Variants in DTX1 observed in about 807,000 individuals in gnomAD.
DTX1 encodes the protein E3 ubiquitin-protein ligase DTX1.
Under a neutral mutation model 57.8 loss-of-function variants are expected in DTX1, and 26 were observed. The observed-to-expected ratio is 0.45, with a 90% CI of 0.33 to 0.62. The LOEUF is 0.62. Among genes scored for constraint, DTX1 ranks in the 20% least tolerant of loss-of-function variants. DTX1 has a pLI of 0.02. For missense variants in DTX1, 704 were observed against 895.3 expected (o/e 0.79, Z 2.73); for synonymous variants, 398 against 394.1 (o/e 1.01, Z -0.12).
At chr12:113,068,955 T>C (rs1376666213) in intron 2 of DTX1, among the ~76,000 whole-genome samples, 1 of 152,206 alleles carries the variant, frequency 6.6e-6, no homozygotes, top group African/African-American at 2.4e-5. Flanking sequence ...GGCAAATTGC[T>C]TCACCTCTCT....
In DTX1 at chr12:113,058,218, T is replaced by C. The variant is rs2044642782; in HGVS notation, c.26T>C (p.Leu9Pro). 3 of 1,611,728 alleles carry C rather than the reference T, an allele frequency of 1.9e-6. No homozygotes were observed. Among genetic ancestry groups the C allele is most frequent in the Non-Finnish European group, 2.5e-6 (3 of 1,179,326 alleles). The part of the protein sequence containing the change: MSRPGHGG[L>P]MPVNGLGFPP... ...ATGTCACGGCCAGGCCACGGTGGGC[T>C]GATGCCTGTGAATGGTCTGGGCTTC... Residue 9 changes from leucine to proline, a missense_variant, in exon 2 of 10, where the codon CTG becomes CCG. By Grantham distance (98) the Leu-to-Pro change is moderately conservative (BLOSUM62 -3). Coordinates refer to ENST00000548759, the MANE Select transcript of DTX1 (RefSeq NM_004416.3).
intron 3 of DTX1, among the ~76,000 whole-genome samples, chr12:113,078,466 A>C (rs1159768435): frequency 2.0e-5 from 3 of 152,212 alleles, no homozygotes; most frequent in African/African-American, 7.2e-5. Flanking sequence ...CGTTATATGT[A>C]TCACCTCGTT....
intron 3 of DTX1, among the ~76,000 whole-genome samples, chr12:113,089,469 G>A (rs571655373): frequency 5.9e-5 from 9 of 152,284 alleles, no homozygotes; most frequent in Non-Finnish European, 1.3e-4. Context: ...GCCAGCCTGG[G>A]CCCCCAAGAA....
intron 2 of DTX1, among the ~76,000 whole-genome samples, chr12:113,064,999 G>A (rs575370438): frequency 6.6e-6 from 1 of 152,338 alleles, no homozygotes; most frequent in South Asian, 2.1e-4. Context: ...CAGGGTCCTG[G>A]AGGAGGGTCT....
At chr12:113,075,991 T>C (rs2044768840) in intron 2 of DTX1, among the ~76,000 whole-genome samples, 1 of 145,390 alleles carries the variant, frequency 6.9e-6, no homozygotes, top group Non-Finnish European at 1.5e-5. Context: ...CCAAGATAAA[T>C]GGGTAGAATG....
chr12:113,077,873 C>A lies in DTX1; in HGVS notation c.709C>A (p.Pro237Thr). 7.7e-7 allele frequency: 1 copy of A among 1,304,870 alleles called. No homozygotes were observed. The highest frequency in any genetic ancestry group is 2.3e-5 in the South Asian group (1 of 43,058). The allele number at this position is 1,304,870 out of a possible 1,614,324, so 80.8% of individuals were successfully genotyped here. ...PPAPPLPPPP[P>T]PGGPPGALAV... ...CGCGCCCCCGCTGCCGCCGCCGCCG[C>A]CACCTGGAGGGCCTCCAGGCGCGCT... is the stretch of plus-strand genomic sequence containing the variant. The change falls in exon 3 of 10, where the codon CCA (proline) becomes ACA (threonine). Residue 237 changes from proline (P) to threonine (T), a missense_variant. By Grantham distance (38) the Pro-to-Thr change is conservative. Around this residue, in one of 3 missense-constraint regions of DTX1, gnomAD observed 299 missense variants for 311.2 expected, o/e 0.96. Coordinates refer to ENST00000548759, the MANE Select transcript of DTX1 (RefSeq NM_004416.3). The surrounding 1 kb of genome is among the most constrained non-coding windows in gnomAD (Gnocchi z 7.8).
intron 3 of DTX1, among the ~76,000 whole-genome samples, chr12:113,084,597 C>T (rs2044842489): frequency 6.6e-6 from 1 of 152,206 alleles, no homozygotes; most frequent in South Asian, 2.1e-4. Context: ...GTTGCCCAGG[C>T]TAGTCTCAAA....
intron 2 of DTX1, among the ~76,000 whole-genome samples, chr12:113,064,398 T>A (rs1239998437): frequency 6.6e-6 from 1 of 152,212 alleles, no homozygotes; most frequent in East Asian, 1.9e-4. Context: ...TCGTATTTGG[T>A]AGTCATTGGT....
At position 113,095,036 on chromosome 12, in the gene DTX1, G is replaced by A. The variant is rs1474814030; in HGVS notation, c.1387-6G>A. The A allele has an allele frequency of 2.5e-6, 4 of 1,609,064 alleles. No individual in the cohort carries two copies. The highest frequency in any genetic ancestry group is 1.3e-5 in the African/African-American group (1 of 74,848). On this transcript the variant is annotated splice_region_variant and splice_polypyrimidine_tract_variant and intron_variant, in intron 7 of 9. Coordinates refer to ENST00000548759, the MANE Select transcript of DTX1 (RefSeq NM_004416.3). ...TGGGAACTCACTGCCAGCCTCCCCTGCCCAGGATGGCAGCCTGCAGTGCCC... is the reference window on the plus strand; with the variant it reads ...TGGGAACTCACTGCCAGCCTCCCCTACCCAGGATGGCAGCCTGCAGTGCCC...
chr12:113,096,439 C>CAAAAAAAAAA (rs56194115), intron 9 of DTX1, among the ~76,000 whole-genome samples: 3 of 92,774 alleles, frequency 3.2e-5, no homozygotes, highest in African/African-American at 4.3e-5. Flanking sequence ...GACTCTGCCT[C>CAAAAAAAAAA]AAAAAAAAAA....
chr12:113,065,454 G>C (rs546547621), intron 2 of DTX1, among the ~76,000 whole-genome samples: 55 of 152,178 alleles, frequency 3.6e-4, no homozygotes, highest in Middle Eastern at 3.4e-3. Flanking sequence ...TTCCGGGCTG[G>C]GGGTGGGGAT....
chr12:113,093,989 G>C lies in DTX1; in HGVS notation c.1166-49G>C, dbSNP rs571416552. ...TGACCCAGTTCTGAGCCAAGCCTTC[G>C]GGGACAGACTCTGGGTACCCTCAAA... On this transcript the variant is annotated intron_variant, in intron 5 of 9. Transcript: ENST00000548759. The surrounding 1 kb of genome is among the most constrained non-coding windows in gnomAD (Gnocchi z 4.2). The C allele has an allele frequency of 4.5e-6, 7 of 1,557,466 alleles. No homozygotes were observed. The East Asian group carries it at 9.4e-5, about 21-fold the overall frequency.
intron 2 of DTX1, among the ~76,000 whole-genome samples, chr12:113,063,517 C>T (rs1278003673): frequency 1.3e-5 from 2 of 152,238 alleles, no homozygotes; most frequent in Non-Finnish European, 2.9e-5. Context: ...TCTCCCATGT[C>T]GCTCTCCATG....
In DTX1 at chr12:113,077,321, A is replaced by ACC; in HGVS notation, c.260-98_260-97dup. The ACC allele has an allele frequency of 7.6e-7, 1 of 1,315,268 alleles. No homozygotes were observed. Among genetic ancestry groups the ACC allele is most frequent in the Non-Finnish European group, 1.0e-6 (1 of 983,572 alleles). 81.5% of individuals were successfully genotyped at this position (1,315,268 alleles called of 1,614,324 possible). On this transcript the variant is annotated intron_variant, in intron 2 of 9. Transcript: ENST00000548759. The surrounding 1 kb of genome is among the most constrained non-coding windows in gnomAD (Gnocchi z 7.8). ...GTGGACCCCCTGGAGGCCTGTGCTG[A>ACC]CCCCCCAACCTCCCGCCCACCCTTG...
At chr12:113,068,564 G>T (rs2044719997) in intron 2 of DTX1, among the ~76,000 whole-genome samples, 2 of 152,176 alleles carry the variant, frequency 1.3e-5, no homozygotes, top group Non-Finnish European at 1.5e-5. Context: ...CCGCACACAC[G>T]GTATGTTCAA....
At chr12:113,091,878 C>T (rs1295245008) in intron 3 of DTX1, among the ~76,000 whole-genome samples, 1 of 152,160 alleles carries the variant, frequency 6.6e-6, no homozygotes, top group Non-Finnish European at 1.5e-5. Flanking sequence ...CCCTGGATTT[C>T]AGAACACCCC....
At chr12:113,078,239 C>T in intron 3 of DTX1, 134 bp downstream of exon 3, 2 of 766,760 alleles carry the variant, frequency 2.6e-6, no homozygotes, top group South Asian at 1.1e-4. Flanking sequence ...CCAGCATGCA[C>T]TAAATGTTCA....
intron 2 of DTX1, among the ~76,000 whole-genome samples, chr12:113,060,531 G>T (rs2044657763): frequency 6.6e-6 from 1 of 152,208 alleles, no homozygotes; most frequent in African/African-American, 2.4e-5. Context: ...AGGCCCTGGG[G>T]TAGGAAGGGG....
At chr12:113,057,006 CG>C (rs2044628485) in intron 1 of DTX1, 62 bp downstream of exon 1, 1 of 152,222 alleles carries the variant, frequency 6.6e-6, no homozygotes, top group Non-Finnish European at 1.5e-5. Context: ...GCGAGCGGCT[CG>C]GGGACGTCTG....
Sources: gnomAD v4.1 joint callset for allele counts (sites outside exome capture counted in the v4.1 genomes callset) on GRCh38, gnomAD v4.1.1 for gene constraint, gnomAD v4.1.1 regional missense constraint, Gnocchi (gnomAD v3.1) non-coding constraint, MANE v1.5 for transcripts, NCBI Gene and HGNC (gene_info 2026-07-23, HGNC 2026-07-21) for gene names.